The following BEST2 variants were observed in gnomAD, a reference collection of about 807,000 sequenced individuals.
BEST2 encodes the protein bestrophin-2a.
In BEST2, 36 loss-of-function variants were observed where a neutral mutation model predicts 49.0. The ratio of observed to expected loss-of-function variants is 0.73; its 90% confidence interval spans 0.56 to 0.97. BEST2 has a LOEUF of 0.97. Ranked by LOEUF, BEST2 falls within the 50% of genes least tolerant of loss-of-function variation. The pLI is 0.00. For missense variants in BEST2, 672 were observed against 710.0 expected, an observed-to-expected ratio of 0.95 and a Z score of 0.61; for synonymous variants, 335 against 304.4, an observed-to-expected ratio of 1.10 and a Z score of -1.05.
At position 12,754,760 on chromosome 19, in the gene BEST2, C is replaced by T; in HGVS notation, c.456C>T (p.Pro152=). Residue 152 remains proline (P), a synonymous_variant, in exon 4 of 10, where the codon CCC becomes CCT. Transcript: ENST00000553030. ...SVSTAVFKRF[P]TIDHVVEAGF... ...GCACCGCGGTGTTCAAGCGCTTCCC[C>T]ACCATAGACCACGTGGTGGAGGCTG... is the stretch of plus-strand genomic sequence containing the variant. The T allele has an allele frequency of 1.3e-6, 2 of 1,586,338 alleles. No homozygotes were observed. Among genetic ancestry groups the T allele is most frequent in the Non-Finnish European group, 1.7e-6 (2 of 1,166,072 alleles).
In BEST2 at chr19:12,753,116, G is replaced by T. The variant is rs547288935; in HGVS notation, c.153-144G>T. ...TCCTCCTGCCTCGGCCTCCCAAAGT[G>T]CTGGGATTACAGGTGTGACCCATAG... On this transcript the variant is annotated intron_variant, in intron 2 of 9. Transcript: ENST00000553030. The T allele has an allele frequency of 1.2e-5, 9 of 768,658 alleles. No homozygotes were observed. In the African/African-American group the frequency reaches 1.6e-4, roughly 13 times the overall value. 47.6% of individuals were successfully genotyped at this position (768,658 alleles called of 1,614,324 possible). A position where few individuals can be genotyped will look rare whatever the true frequency, so the allele number is the denominator to read the frequency against.
rs2145701988 is a variant in BEST2, at chr19:12,752,531, C to T, written c.-51-11C>T. 1.9e-6 allele frequency: 3 copies of T among 1,562,494 alleles called. No individual in the cohort carries two copies. Among genetic ancestry groups the T allele is most frequent in the East Asian group, 4.5e-5 (2 of 44,416 alleles). ...TCAGTTATCCCCGCACCTCTCCACC[C>T]ACACCCGCAGCCCCCACCCGGGCCA... On this transcript the variant is annotated splice_polypyrimidine_tract_variant and intron_variant, in intron 1 of 9. Transcript: ENST00000553030.
rs183257641 is a variant in BEST2, at chr19:12,756,008, C to T, written c.948+73C>T. ...AGTGCCCAACAGGGTTCTGGTCCCA[C>T]CCCTGCCAAGTCTTGCCAGGTCTCA... is the stretch of plus-strand genomic sequence containing the variant. On this transcript the variant is annotated intron_variant, in intron 8 of 9. Transcript: ENST00000553030. 7 of 1,589,892 alleles carry T rather than the reference C, an allele frequency of 4.4e-6. No individual in the cohort carries two copies. The African/African-American group carries it at 9.4e-5, about 21-fold the overall frequency.
intron 3 of BEST2, among the ~76,000 whole-genome samples, chr19:12,753,555 T>C (rs1967898530): frequency 6.6e-6 from 1 of 151,234 alleles, no homozygotes; most frequent in Admixed American, 6.6e-5. Flanking sequence ...GGGTGTCACC[T>C]GGGGTCACAG....
At position 12,757,912 on chromosome 19, in the gene BEST2, C is replaced by A; in HGVS notation, c.1365C>A (p.Pro455=). ...GCTGCGGGGACCCGCTGCTCGACCCCGGCCTGCCGGAGCCCGAGGCCCCGC... is the reference window on the plus strand; with the variant it reads ...GCTGCGGGGACCCGCTGCTCGACCCAGGCCTGCCGGAGCCCGAGGCCCCGC... ...ECSCGDPLLD[P]GLPEPEAPPP... is the part of the protein sequence containing the mutation. Residue 455 remains proline (P), a synonymous_variant, in exon 10 of 10, where the codon CCC becomes CCA. Coordinates refer to ENST00000553030, the MANE Select transcript of BEST2 (RefSeq NM_017682.3). 1 of 1,559,068 alleles carries A rather than the reference C, an allele frequency of 6.4e-7. No homozygotes were observed. Among genetic ancestry groups the A allele is most frequent in the African/African-American group, 1.4e-5 (1 of 73,994 alleles).
intron 2 of BEST2, 52 bp downstream of exon 2, chr19:12,752,796 T>C (rs1424981747): frequency 7.7e-7 from 1 of 1,294,704 alleles, no homozygotes; most frequent in African/African-American, 1.5e-5. Flanking sequence ...GCAGCTATTA[T>C]ATATATATAA....
chr19:12,755,019 G>A lies in BEST2; in HGVS notation c.624G>A (p.Lys208=), dbSNP rs1967921980. 1.2e-6 allele frequency: 2 copies of A among 1,604,240 alleles called. No individual in the cohort carries two copies. Among genetic ancestry groups the A allele is most frequent in the African/African-American group, 1.3e-5 (1 of 74,400 alleles). ...GCATCCGCGACAACAGCGCCCTTAA[G>A]CTGCTGCTCGAGGTGGGCCCAACCA... ...EGRIRDNSAL[K]LLLEELNVFR... Residue 208 remains lysine, a synonymous_variant, in exon 5 of 10, where the codon AAG becomes AAA. Transcript: ENST00000553030. The surrounding 1 kb of genome is among the most constrained non-coding windows in gnomAD (Gnocchi z 4.4).
chr19:12,753,802 C>T (rs1967900956), intron 3 of BEST2, among the ~76,000 whole-genome samples: 1 of 152,132 alleles, frequency 6.6e-6, no homozygotes, highest in African/African-American at 2.4e-5. Context: ...TGATGTAGAC[C>T]CTGTCCCCAA....
In BEST2 at chr19:12,757,912, C is replaced by T. The variant is rs1455381964; in HGVS notation, c.1365C>T (p.Pro455=). 14 of 1,558,952 alleles carry T rather than the reference C, an allele frequency of 9.0e-6. No homozygotes were observed. The highest frequency in any genetic ancestry group is 5.8e-5 in the Admixed American group (3 of 51,448). ...GCTGCGGGGACCCGCTGCTCGACCCCGGCCTGCCGGAGCCCGAGGCCCCGC... is the reference window on the plus strand; with the variant it reads ...GCTGCGGGGACCCGCTGCTCGACCCTGGCCTGCCGGAGCCCGAGGCCCCGC... ...ECSCGDPLLD[P]GLPEPEAPPP... The change falls in exon 10 of 10, where the codon CCC becomes CCT. Residue 455 remains proline (P), a synonymous_variant. Transcript: ENST00000553030.
At chr19:12,756,956 C>T (rs142578694) in intron 9 of BEST2, among the ~76,000 whole-genome samples, 23,549 of 152,114 alleles carry the variant, frequency 0.15, 1,944 homozygotes, top group Admixed American at 0.2. Context: ...CCAGCCTGGC[C>T]AACATAGTGA....
chr19:12,755,477 T>G lies in BEST2; in HGVS notation c.714+21T>G. ...CGCAGGTAACCCCATCATGCCTCTTTTTATATTCGGTGTCAGTGGCCCTGA... is the reference window on the plus strand; with the variant it reads ...CGCAGGTAACCCCATCATGCCTCTTGTTATATTCGGTGTCAGTGGCCCTGA... On this transcript the variant is annotated intron_variant, in intron 6 of 9. Coordinates refer to ENST00000553030, the MANE Select transcript of BEST2 (RefSeq NM_017682.3). This position sits in a 1 kb window ranked among gnomAD's most constrained non-coding sequence, Gnocchi z 4.4. 1.2e-6 allele frequency: 2 copies of G among 1,613,600 alleles called. No homozygotes were observed. The highest frequency in any genetic ancestry group is 1.1e-5 in the South Asian group (1 of 91,080).
intron 9 of BEST2, 73 bp from the exon 10 acceptor site, chr19:12,757,578 A>C: frequency 1.4e-6 from 2 of 1,468,594 alleles, no homozygotes; most frequent in Non-Finnish European, 1.8e-6. Context: ...AGTCAGGGAA[A>C]TCAGCGCGCC....
In BEST2 at chr19:12,756,121, C is replaced by A; in HGVS notation, c.949-20C>A. The A allele has an allele frequency of 6.2e-7, 1 of 1,614,156 alleles. No individual in the cohort carries two copies. The highest frequency in any genetic ancestry group is 8.5e-7 in the Non-Finnish European group (1 of 1,179,998). On this transcript the variant is annotated intron_variant, in intron 8 of 9. Coordinates refer to ENST00000553030, the MANE Select transcript of BEST2 (RefSeq NM_017682.3). ...CGGGTTGCCCTGCCCCCACTTTACC[C>A]TGTGTGTTTGCACCCGTAGGTGTCC...
Position 12,755,283 on chromosome 19 carries a change from C to T in BEST2, c.637-96C>T. 1 of 1,337,820 alleles carries T rather than the reference C, an allele frequency of 7.5e-7. No individual in the cohort carries two copies. The highest frequency in any genetic ancestry group is 1.4e-5 in the African/African-American group (1 of 69,574). 82.9% of individuals were successfully genotyped at this position (1,337,820 alleles called of 1,614,324 possible). A position where few individuals can be genotyped will look rare whatever the true frequency, so the allele number is the denominator to read the frequency against. On this transcript the variant is annotated intron_variant, in intron 5 of 9. Transcript: ENST00000553030. This position sits in a 1 kb window ranked among gnomAD's most constrained non-coding sequence, Gnocchi z 4.4. ...CCCCAAAGCACACTCCCAATTCCCA[C>T]CAGGTGACCACCCACCTCCATCCCA...
chr19:12,753,980 G>A (rs1967903265), intron 3 of BEST2, among the ~76,000 whole-genome samples: 1 of 149,754 alleles, frequency 6.7e-6, no homozygotes, highest in Non-Finnish European at 1.5e-5. Flanking sequence ...CATGGGCTCT[G>A]TGCCTCTATC....
chr19:12,755,137 C>A lies in BEST2; in HGVS notation c.636+106C>A. 1 of 1,366,824 alleles carries A rather than the reference C, an allele frequency of 7.3e-7. No homozygotes were observed. Among genetic ancestry groups the A allele is most frequent in the Non-Finnish European group, 9.8e-7 (1 of 1,019,850 alleles). The allele number at this position is 1,366,824 out of a possible 1,614,324, so 84.7% of individuals were successfully genotyped here. A position where few individuals can be genotyped will look rare whatever the true frequency, so the allele number is the denominator to read the frequency against. On this transcript the variant is annotated intron_variant, in intron 5 of 9. Transcript: ENST00000553030. This position sits in a 1 kb window ranked among gnomAD's most constrained non-coding sequence, Gnocchi z 4.4. ...GCACCCCCACGAGGCCGATTTCAAA[C>A]ACCCTCACCAGGTGCACTCTTACCT...
intron 4 of BEST2, 22 bp from the exon 5 acceptor site, chr19:12,754,855 A>C: frequency 6.2e-7 from 1 of 1,605,946 alleles, no homozygotes; most frequent in Non-Finnish European, 8.5e-7. Context: ...GGGGCGAGCT[A>C]TCCCTGACCC....
chr19:12,752,606 A>G lies in BEST2; in HGVS notation c.14A>G (p.Tyr5Cys). Reference sequence around the variant, plus strand: ...CCGGGTGCCACGATGACCGTCACCTACACAGCCCGAGTGGCGAACGCCCGC... The same window carrying G: ...CCGGGTGCCACGATGACCGTCACCTGCACAGCCCGAGTGGCGAACGCCCGC... MTVT[Y>C]TARVANARFG... Residue 5 changes from tyrosine (Y) to cysteine (C), a missense_variant, in exon 2 of 10, where the codon TAC (tyrosine) becomes TGC (cysteine). Coordinates refer to ENST00000553030, the MANE Select transcript of BEST2 (RefSeq NM_017682.3). 1 of 1,611,872 alleles carries G rather than the reference A, an allele frequency of 6.2e-7. No individual in the cohort carries two copies. The highest frequency in any genetic ancestry group is 8.5e-7 in the Non-Finnish European group (1 of 1,179,682).
intron 2 of BEST2, 110 bp from the exon 3 acceptor site, chr19:12,753,150 T>C: frequency 1.8e-6 from 2 of 1,125,096 alleles, no homozygotes; most frequent in Non-Finnish European, 2.6e-6. Context: ...AGCACCCGGC[T>C]GGGGGCAGCT....
Sources: allele counts gnomAD v4.1 joint callset (sites outside exome capture counted in the v4.1 genomes callset), GRCh38; gene constraint gnomAD v4.1.1; non-coding constraint Gnocchi (gnomAD v3.1); transcripts MANE v1.5; gene names NCBI Gene and HGNC (gene_info 2026-07-23, HGNC 2026-07-21).